PCP4L1: variants seen among roughly 807,000 people sequenced by gnomAD.
PCP4L1 encodes the protein Purkinje cell protein 4 like 1.
Under a neutral mutation model 9.6 loss-of-function variants are expected in PCP4L1, and 9 were observed. The ratio of observed to expected loss-of-function variants is 0.94; its 90% CI spans 0.57 to 1.64. The LOEUF (loss-of-function observed/expected upper bound fraction) is 1.64, where lower values mean the gene tolerates loss of function less well. PCP4L1 is among the 40% of genes most tolerant of loss of function. The probability of loss-of-function intolerance (pLI) is 0.00; values close to 1 mark genes in which losing one functional copy is unlikely to be tolerated. For missense variants in PCP4L1, 81 were observed against 80.8 expected (o/e 1.00, Z -0.01); for synonymous variants, 31 against 28.2 (o/e 1.10, Z -0.31).
At chr1:161,268,002 C>T (rs551559449) in intron 1 of PCP4L1, among the ~76,000 whole-genome samples, 11 of 152,278 alleles carry the variant, frequency 7.2e-5, no homozygotes, top group Non-Finnish European at 1.3e-4. Flanking sequence ...CGTGAGCCAC[C>T]GCACCTGGCC....
chr1:161,270,316 A>G (rs1669601601), intron 1 of PCP4L1, among the ~76,000 whole-genome samples: 1 of 152,032 alleles, frequency 6.6e-6, no homozygotes, highest in African/African-American at 2.4e-5. Context: ...ATAATAATAA[A>G]ATTAAAAAGA....
intron 2 of PCP4L1, 136 bp from the exon 3 acceptor site, chr1:161,284,203 T>G: frequency 1.8e-6 from 2 of 1,108,984 alleles, no homozygotes; most frequent in Non-Finnish European, 2.6e-6. Context: ...TATCAGGCAT[T>G]CATAATCCTA....
chr1:161,271,051 G>A, intron 1 of PCP4L1, among the ~76,000 whole-genome samples: 1 of 152,192 alleles, frequency 6.6e-6, no homozygotes, highest in East Asian at 1.9e-4. Context: ...ATTTACAAAT[G>A]TATGTGTGAA....
In PCP4L1 at chr1:161,284,578, C is replaced by T. The variant is rs1454988818; in HGVS notation, c.*97C>T. 11 of 1,483,498 alleles carry T rather than the reference C, an allele frequency of 7.4e-6. No individual in the cohort carries two copies. The African/African-American group carries it at 8.5e-5, about 11-fold the overall frequency. The allele number at this position is 1,483,498 out of a possible 1,614,324, so 91.9% of individuals were successfully genotyped here. On this transcript the variant is annotated 3_prime_UTR_variant, in exon 3 of 3. Coordinates refer to ENST00000504449, the MANE Select transcript of PCP4L1 (RefSeq NM_001102566.2). ...TTTATCCCTTGTCCCTCTAGCCTTT[C>T]CTTGAGGCAAGTTCAACCTTTATAT... is the stretch of plus-strand genomic sequence containing the variant.
chr1:161,268,344 T>C (rs1669566509), intron 1 of PCP4L1, among the ~76,000 whole-genome samples: 1 of 152,150 alleles, frequency 6.6e-6, no homozygotes, highest in African/African-American at 2.4e-5. Flanking sequence ...GGTATTCTCT[T>C]CCTCTTTCAG....
At chr1:161,279,099 A>G (rs76778551) in intron 1 of PCP4L1, among the ~76,000 whole-genome samples, 6,702 of 151,700 alleles carry the variant, frequency 0.044, 209 homozygotes, top group Middle Eastern at 0.069. Flanking sequence ...GATTTTTTTT[A>G]CTCTTCCTTG....
chr1:161,258,940 G>C lies in PCP4L1; in HGVS notation c.-35G>C. 2 of 1,534,902 alleles carry C rather than the reference G, an allele frequency of 1.3e-6. No homozygotes were observed. The highest frequency in any genetic ancestry group is 1.7e-6 in the Non-Finnish European group (2 of 1,146,180). ...CGAGGGCCACTCGCCTCACCTGTGC[G>C]TGCAGCGCCTCGCGCGCCCTGTCCG... On this transcript the variant is annotated 5_prime_UTR_variant, in exon 1 of 3. Coordinates refer to ENST00000504449, the MANE Select transcript of PCP4L1 (RefSeq NM_001102566.2).
At chr1:161,259,137 T>C (rs1408993560) in intron 1 of PCP4L1, among the ~76,000 whole-genome samples, 154 bp downstream of exon 1, 3 of 152,022 alleles carry the variant, frequency 2.0e-5, no homozygotes, top group Non-Finnish European at 4.4e-5. Flanking sequence ...AGCTCCCACC[T>C]CGGGGCGCTG....
intron 1 of PCP4L1, among the ~76,000 whole-genome samples, chr1:161,271,358 G>A (rs12753774): frequency 0.05 from 7,534 of 152,202 alleles, 251 homozygotes; most frequent in Non-Finnish European, 0.072. Context: ...TTGGTGAAAT[G>A]TCTGTTCAAA....
chr1:161,275,749 A>ACAGT (rs1029129983), intron 1 of PCP4L1, among the ~76,000 whole-genome samples: 1 of 151,632 alleles, frequency 6.6e-6, no homozygotes, highest in African/African-American at 2.4e-5. Flanking sequence ...TCTTGTCTGG[A>ACAGT]CAGTTGCTGT....
intron 1 of PCP4L1, among the ~76,000 whole-genome samples, chr1:161,277,062 G>A (rs185814125): frequency 6.6e-6 from 1 of 152,210 alleles, no homozygotes; most frequent in East Asian, 1.9e-4. Context: ...AGACCAACCT[G>A]GGCAGCATAG....
chr1:161,263,243 G>T (rs1029115869), intron 1 of PCP4L1, among the ~76,000 whole-genome samples: 9 of 125,668 alleles, frequency 7.2e-5, no homozygotes, highest in Non-Finnish European at 1.7e-4. Flanking sequence ...TTTTGTTTTT[G>T]TTTTTTTTTG....
chr1:161,261,912 G>T (rs995983753), intron 1 of PCP4L1, among the ~76,000 whole-genome samples: 3 of 152,066 alleles, frequency 2.0e-5, no homozygotes, highest in African/African-American at 4.8e-5. Context: ...ACACTTTGGA[G>T]ATCCACACAC....
At chr1:161,274,096 T>A (rs1483361722) in intron 1 of PCP4L1, among the ~76,000 whole-genome samples, 3 of 152,228 alleles carry the variant, frequency 2.0e-5, no homozygotes, top group African/African-American at 7.2e-5. Context: ...TTTATAGGGC[T>A]GTTATAATCA....
Position 161,267,749 on chromosome 1 carries a change from C to G in PCP4L1, c.9+8766C>G, listed in dbSNP as rs184731020. Reference sequence around the variant, plus strand: ...TTTAGACAGAGTCTGGCTCTGTTGCCTAGGCTGGAGTGGAGTGCAGTGGTG... The same window carrying G: ...TTTAGACAGAGTCTGGCTCTGTTGCGTAGGCTGGAGTGGAGTGCAGTGGTG... On this transcript the variant is annotated intron_variant, in intron 1 of 2. Coordinates refer to ENST00000504449, the MANE Select transcript of PCP4L1 (RefSeq NM_001102566.2). Among the ~76,000 whole-genome samples the G allele has an allele frequency of 2.7e-3, 408 of 152,118 alleles. 1 individual carries two copies. The highest frequency in any genetic ancestry group is 9.1e-3 in the African/African-American group (377 of 41,482).
intron 1 of PCP4L1, among the ~76,000 whole-genome samples, chr1:161,268,184 T>G (rs950729682): frequency 6.6e-6 from 1 of 152,050 alleles, no homozygotes; most frequent in Non-Finnish European, 1.5e-5. Flanking sequence ...TCCCAGAGGT[T>G]TAGAGCCATT....
chr1:161,260,475 C>A (rs527546545), intron 1 of PCP4L1, among the ~76,000 whole-genome samples: 6 of 152,160 alleles, frequency 3.9e-5, no homozygotes, highest in African/African-American at 7.2e-5. Context: ...TCATACTACT[C>A]CTCCCACCCC....
intron 1 of PCP4L1, among the ~76,000 whole-genome samples, chr1:161,275,644 A>G (rs1450776860): frequency 6.6e-6 from 1 of 152,118 alleles, no homozygotes; most frequent in Non-Finnish European, 1.5e-5. Flanking sequence ...TGGCTAAATC[A>G]TAGATCAGAG....
intron 1 of PCP4L1, among the ~76,000 whole-genome samples, chr1:161,282,582 T>C (rs866955930): frequency 6.6e-5 from 10 of 152,224 alleles, no homozygotes; most frequent in Non-Finnish European, 2.9e-5. Flanking sequence ...CTGATATCTA[T>C]AGCCCAGGCC....
Sources: gnomAD v4.1 joint callset for allele counts (sites outside exome capture counted in the v4.1 genomes callset) on GRCh38, gnomAD v4.1.1 for gene constraint, MANE v1.5 for transcripts, NCBI Gene and HGNC (gene_info 2026-07-23, HGNC 2026-07-21) for gene names.